Variants in POLR3G observed in about 807,000 individuals in gnomAD.
POLR3G encodes the protein RNA polymerase III subunit G, also known as DNA-directed RNA polymerase III subunit RPC7.
In POLR3G, 28 loss-of-function variants were observed where a neutral mutation model predicts 30.1. The ratio of observed to expected loss-of-function variants is 0.93; its 90% CI spans 0.69 to 1.27. The LOEUF is 1.27. POLR3G is among the 50% of genes most tolerant of loss of function. POLR3G has a pLI of 0.00. For synonymous variants in POLR3G, 79 were observed against 82.5 expected (o/e 0.96, Z 0.23); for missense variants, 254 against 264.6 (o/e 0.96, Z 0.28).
intron 1 of POLR3G, among the ~76,000 whole-genome samples, chr5:90,482,396 C>G (rs1751165435): frequency 6.6e-6 from 1 of 152,204 alleles, no homozygotes; most frequent in Admixed American, 6.5e-5. Context: ...CATCTTGCTT[C>G]TAACCTTTAA....
intron 6 of POLR3G, 51 bp from the exon 7 acceptor site, chr5:90,506,477 G>A (rs1452678480): frequency 6.4e-7 from 1 of 1,573,824 alleles, no homozygotes; most frequent in Non-Finnish European, 8.6e-7. Context: ...AAGCAGGGAA[G>A]TCAGCAGTCT....
intron 6 of POLR3G, among the ~76,000 whole-genome samples, chr5:90,502,824 A>C (rs1752315742): frequency 7.3e-6 from 1 of 137,340 alleles, no homozygotes; most frequent in African/African-American, 2.8e-5. Context: ...TTTTGGCTGC[A>C]CTATAAAAAT....
At chr5:90,504,665 A>C (rs1752406582) in intron 6 of POLR3G, among the ~76,000 whole-genome samples, 1 of 152,224 alleles carries the variant, frequency 6.6e-6, no homozygotes, top group Non-Finnish European at 1.5e-5. Flanking sequence ...TGTACCCTGC[A>C]CAGAGCTAAA....
chr5:90,500,634 T>C (rs1752202149), intron 5 of POLR3G, among the ~76,000 whole-genome samples: 2 of 152,176 alleles, frequency 1.3e-5, no homozygotes, highest in Admixed American at 6.5e-5. Context: ...TCATTAAATC[T>C]AACTATTACT....
In POLR3G at chr5:90,513,773, A is replaced by AATT. The variant is rs1752840819; in HGVS notation, c.*1635_*1637dup. 1 of 152,204 alleles carries AATT rather than the reference A, an allele frequency of 6.6e-6. No individual in the cohort carries two copies. Among genetic ancestry groups the AATT allele is most frequent in the Non-Finnish European group, 1.5e-5 (1 of 68,026 alleles). The allele number at this position is 152,204 out of a possible 1,614,324, so 9.4% of individuals were successfully genotyped here. A position where few individuals can be genotyped will look rare whatever the true frequency, so the allele number is the denominator to read the frequency against. On this transcript the variant is annotated 3_prime_UTR_variant, in exon 8 of 8. Coordinates refer to ENST00000651687, the MANE Select transcript of POLR3G (RefSeq NM_006467.3). ...TCTTGTTTAAAGGAAGTTGTCAAAAAATTTTAAGATTCTAAATGGAATACA... is the reference window on the plus strand; with the variant it reads ...TCTTGTTTAAAGGAAGTTGTCAAAAAATTATTTTAAGATTCTAAATGGAATACA...
chr5:90,485,606 C>G lies in POLR3G; in HGVS notation c.39C>G (p.Thr13=). Residue 13 remains threonine, a synonymous_variant, in exon 2 of 8, where the codon ACC becomes ACG. Transcript: ENST00000651687. ...AAGGAAGAGGACGTGCTGCTTATAC[C>G]TTTAATATTGAGGCTGTTGGATTTA... The part of the protein sequence containing the change: ...GNKGRGRAAY[T]FNIEAVGFSK... 2 of 1,613,938 alleles carry G rather than the reference C, an allele frequency of 1.2e-6. No homozygotes were observed. The highest frequency in any genetic ancestry group is 1.7e-6 in the Non-Finnish European group (2 of 1,179,946).
At chr5:90,488,158 G>T (rs374618223) in intron 3 of POLR3G, 29 bp downstream of exon 3, 3 of 1,560,806 alleles carry the variant, frequency 1.9e-6, no homozygotes, top group Non-Finnish European at 2.6e-6. Context: ...TGATTATGTG[G>T]CTTAATGTAT....
At chr5:90,494,764 A>T (rs942153538) in intron 3 of POLR3G, among the ~76,000 whole-genome samples, 2 of 151,886 alleles carry the variant, frequency 1.3e-5, no homozygotes, top group Non-Finnish European at 2.9e-5. Flanking sequence ...CTGTTCTTTT[A>T]TCTGTTATCT....
At chr5:90,478,312 T>C (rs1008548822) in intron 1 of POLR3G, among the ~76,000 whole-genome samples, 1 of 152,178 alleles carries the variant, frequency 6.6e-6, no homozygotes, top group African/African-American at 2.4e-5. Context: ...GCAATGCTAC[T>C]GATTTTACAT....
chr5:90,510,811 A>G (rs891741633), intron 7 of POLR3G, among the ~76,000 whole-genome samples: 1 of 152,120 alleles, frequency 6.6e-6, no homozygotes, highest in African/African-American at 2.4e-5. Flanking sequence ...ACAGTGAATA[A>G]TGCATGTTAC....
intron 7 of POLR3G, among the ~76,000 whole-genome samples, chr5:90,509,956 T>C (rs1752659433): frequency 6.6e-6 from 1 of 152,150 alleles, no homozygotes; most frequent in South Asian, 2.1e-4. Context: ...AAGAGCCAAG[T>C]TTGGGTCATA....
upstream of POLR3G, chr5:90,474,653 G>T (rs1452407390): frequency 6.6e-6 from 2 of 301,678 alleles, no homozygotes; most frequent in East Asian, 1.2e-4. Context: ...CGCCACCCCG[G>T]GCGTGTGACA....
chr5:90,508,528 C>T lies in POLR3G; in HGVS notation c.585+1854C>T, dbSNP rs75760604. Among the ~76,000 whole-genome samples, 420 of 152,036 alleles carry T rather than the reference C, an allele frequency of 2.8e-3. 1 individual carries two copies. Among genetic ancestry groups the T allele is most frequent in the African/African-American group, 9.8e-3 (405 of 41,480 alleles). ...TTCCCATTGTAAAATATGTTGTCCACATTCTCCCTCATGCCATCTCTTGAA... is the reference window on the plus strand; with the variant it reads ...TTCCCATTGTAAAATATGTTGTCCATATTCTCCCTCATGCCATCTCTTGAA... On this transcript the variant is annotated intron_variant, in intron 7 of 7. Transcript: ENST00000651687.
chr5:90,474,182 G>A (rs2115501), upstream of POLR3G: 159,648 of 1,606,300 alleles, frequency 0.099, 8,847 homozygotes, highest in Non-Finnish European at 0.11. Flanking sequence ...CCTGCTCGGA[G>A]CCGCGCACCA....
At chr5:90,496,520 C>G (rs947136574) in intron 4 of POLR3G, among the ~76,000 whole-genome samples, 3 of 152,116 alleles carry the variant, frequency 2.0e-5, no homozygotes. Flanking sequence ...TCAAAAGAAC[C>G]ATATCCAAAA....
chr5:90,489,956 A>G (rs1751636964), intron 3 of POLR3G, among the ~76,000 whole-genome samples: 1 of 152,070 alleles, frequency 6.6e-6, no homozygotes, highest in Non-Finnish European at 1.5e-5. Flanking sequence ...AAAATACAAA[A>G]GTTAGCCAGG....
rs537722542 is a variant in POLR3G at position 90,478,608 on chromosome 5, G to A, written c.-44+3588G>A. 2.9e-4 allele frequency among the ~76,000 whole-genome samples: 38 copies of A among 131,484 alleles called. No homozygotes were observed. In the South Asian group the frequency reaches 8.5e-3, roughly 29 times the overall value. 86.3% of individuals were successfully genotyped at this position (131,484 alleles called of 152,430 possible). A position where few individuals can be genotyped will look rare whatever the true frequency, so the allele number is the denominator to read the frequency against. On this transcript the variant is annotated intron_variant, in intron 1 of 7. Coordinates refer to ENST00000651687, the MANE Select transcript of POLR3G (RefSeq NM_006467.3). ...TTTTGAGAGGGAGCCTCACTCTGTC[G>A]CCTAGGCTGGAGTGCAGCGGCGCAA...
At chr5:90,502,423 AT>A in intron 6 of POLR3G, 2 of 851,906 alleles carry the variant, frequency 2.3e-6, no homozygotes, top group Non-Finnish European at 2.8e-6. Flanking sequence ...GGAAAAATGT[AT>A]TTTATAGAAC....
At chr5:90,474,545 G>A, upstream of POLR3G, 2 of 518,860 alleles carry the variant, frequency 3.9e-6, no homozygotes, top group Non-Finnish European at 6.8e-6. Context: ...CACCAGCACG[G>A]GGGCGCAGGA....
Sources: gnomAD v4.1 joint callset for allele counts (sites outside exome capture counted in the v4.1 genomes callset) on GRCh38, gnomAD v4.1.1 for gene constraint, MANE v1.5 for transcripts, NCBI Gene and HGNC (gene_info 2026-07-23, HGNC 2026-07-21) for gene names.